KCNIP4: variants seen among roughly 807,000 people sequenced by gnomAD.
KCNIP4 encodes potassium voltage-gated channel interacting protein 4.
KCNIP4 carries 12 observed loss-of-function variants against 34.0 expected under a neutral mutation model. The ratio of observed to expected loss-of-function variants is 0.35; its 90% CI spans 0.23 to 0.57. The LOEUF (loss-of-function observed/expected upper bound fraction) is 0.57. Among genes scored for constraint, KCNIP4 ranks in the 20% least tolerant of loss-of-function variants. The pLI is 0.83. For synonymous variants in KCNIP4, 124 were observed against 102.2 expected, an observed-to-expected ratio of 1.21 and a Z score of -1.29; for missense variants, 238 against 311.7, an observed-to-expected ratio of 0.76 and a Z score of 1.78.
At chr4:21,898,778 G>C (rs546145097) in intron 1 of KCNIP4, among the ~76,000 whole-genome samples, 2 of 152,064 alleles carry the variant, frequency 1.3e-5, no homozygotes, top group Admixed American at 6.6e-5. Flanking sequence ...AGAAGTAAAG[G>C]GGACTTCGTC....
At chr4:21,602,526 T>C (rs1303073598) in intron 1 of KCNIP4, among the ~76,000 whole-genome samples, 1 of 152,212 alleles carries the variant, frequency 6.6e-6, no homozygotes, top group African/African-American at 2.4e-5. Flanking sequence ...TCTCTCATTG[T>C]ATGTGTGTGT....
intron 1 of KCNIP4, among the ~76,000 whole-genome samples, chr4:21,528,674 A>G (rs901894281): frequency 1.1e-5 from 1 of 90,122 alleles, no homozygotes; most frequent in African/African-American, 4.6e-5. Flanking sequence ...CTCATAAAAA[A>G]CAAAGAAAGA....
intron 1 of KCNIP4, among the ~76,000 whole-genome samples, chr4:21,831,224 C>A (rs1722970947): frequency 1.3e-5 from 2 of 151,878 alleles, no homozygotes; most frequent in African/African-American, 2.4e-5. Context: ...CTCAAATAAC[C>A]TGACATTATA....
chr4:21,772,881 G>T (rs1227682556), intron 1 of KCNIP4, among the ~76,000 whole-genome samples: 1 of 151,842 alleles, frequency 6.6e-6, no homozygotes, highest in African/African-American at 2.4e-5. Context: ...TCCTGGATTT[G>T]TTTATTTCTT....
intron 1 of KCNIP4, among the ~76,000 whole-genome samples, chr4:21,815,067 C>T (rs1721907794): frequency 6.6e-6 from 1 of 151,998 alleles, no homozygotes; most frequent in Non-Finnish European, 1.5e-5. Context: ...ACATATTATG[C>T]CTGTTATTAA....
chr4:21,671,463 C>G, intron 1 of KCNIP4, among the ~76,000 whole-genome samples: 1 of 152,116 alleles, frequency 6.6e-6, no homozygotes, highest in East Asian at 1.9e-4. Context: ...TAGGGGAGGC[C>G]TAGTACATTT....
At chr4:21,198,414 G>A (rs913921557) in intron 1 of KCNIP4, among the ~76,000 whole-genome samples, 3 of 152,178 alleles carry the variant, frequency 2.0e-5, no homozygotes, top group Non-Finnish European at 4.4e-5. Context: ...ATATGCAAAT[G>A]TTCGTTTATT....
intron 1 of KCNIP4, chr4:21,316,472 A>T (rs1195324519): frequency 6.6e-6 from 1 of 152,192 alleles, no homozygotes; most frequent in African/African-American, 2.4e-5. Context: ...TAAAGATTTA[A>T]TTTTTCACAT....
At chr4:21,392,898 C>T (rs192205919) in intron 1 of KCNIP4, among the ~76,000 whole-genome samples, 1 of 152,250 alleles carries the variant, frequency 6.6e-6, no homozygotes, top group African/African-American at 2.4e-5. Context: ...CTCATATCTC[C>T]CTTAAAATGA....
chr4:20,985,407 C>T (rs541741772), intron 1 of KCNIP4, among the ~76,000 whole-genome samples: 94 of 152,196 alleles, frequency 6.2e-4, no homozygotes, highest in African/African-American at 2.1e-3. Flanking sequence ...TACATCTCTA[C>T]GTGGTAGACA....
intron 1 of KCNIP4, among the ~76,000 whole-genome samples, chr4:21,762,307 C>G (rs977263303): frequency 6.6e-6 from 1 of 152,022 alleles, no homozygotes; most frequent in African/African-American, 2.4e-5. Context: ...CCACACATCC[C>G]AATTTGGACC....
At chr4:21,442,813 C>A (rs557934504) in intron 1 of KCNIP4, among the ~76,000 whole-genome samples, 4 of 152,250 alleles carry the variant, frequency 2.6e-5, no homozygotes, top group African/African-American at 9.6e-5. Flanking sequence ...GATATGCTAG[C>A]AACTCCCAAG....
chr4:21,729,550 C>A (rs916168986), intron 1 of KCNIP4, among the ~76,000 whole-genome samples: 1 of 150,970 alleles, frequency 6.6e-6, no homozygotes, highest in African/African-American at 2.5e-5. Context: ...TTCTATGGAG[C>A]CTCAAGTGTT....
intron 1 of KCNIP4, among the ~76,000 whole-genome samples, chr4:21,309,995 A>G (rs1056559525): frequency 1.3e-5 from 2 of 152,144 alleles, no homozygotes; most frequent in Admixed American, 6.5e-5. Flanking sequence ...AATGTATATT[A>G]CATGACCAAT....
chr4:21,044,635 G>T (rs1409929595), intron 1 of KCNIP4, among the ~76,000 whole-genome samples: 1 of 152,154 alleles, frequency 6.6e-6, no homozygotes, highest in African/African-American at 2.4e-5. Flanking sequence ...ACAGAATGCA[G>T]ACTGACTCCA....
At chr4:21,917,263 T>G (rs1037070273) in intron 1 of KCNIP4, among the ~76,000 whole-genome samples, 8 of 152,082 alleles carry the variant, frequency 5.3e-5, no homozygotes, top group African/African-American at 1.9e-4. Flanking sequence ...GCCTCCTGAA[T>G]AGCTGGGATT....
intron 3 of KCNIP4, among the ~76,000 whole-genome samples, chr4:20,777,678 G>T (rs973886476): frequency 3.3e-5 from 5 of 152,130 alleles, no homozygotes; most frequent in African/African-American, 7.2e-5. Context: ...ATGGTAATTT[G>T]TGACAGTGGA....
chr4:20,783,666 G>A (rs1711543738), intron 3 of KCNIP4, among the ~76,000 whole-genome samples: 1 of 152,168 alleles, frequency 6.6e-6, no homozygotes, highest in Non-Finnish European at 1.5e-5. Flanking sequence ...TGAGATTTGG[G>A]TGGAGACACA....
chr4:21,706,678 G>C lies in KCNIP4; in HGVS notation c.61+241893C>G, dbSNP rs190565176. Among the ~76,000 whole-genome samples the C allele has an allele frequency of 2.9e-3, 439 of 152,228 alleles. 1 individual carries two copies. The highest frequency in any genetic ancestry group is 0.02 in the Middle Eastern group (6 of 294). On this transcript the variant is annotated intron_variant, in intron 1 of 8. Transcript: ENST00000382152. ...CTCTTCAAGGAATGACGAGTGTAGT[G>C]ATTCCCAAGAAGACTCTTCTCACAG...
Sources: allele counts gnomAD v4.1 joint callset (sites outside exome capture counted in the v4.1 genomes callset), GRCh38; gene constraint gnomAD v4.1.1; transcripts MANE v1.5; gene names NCBI Gene and HGNC (gene_info 2026-07-23, HGNC 2026-07-21).